TRIP11: variants seen among roughly 807,000 people sequenced by gnomAD.
TRIP11 encodes the protein thyroid receptor-interacting protein 11.
A neutral mutation model predicts 223.1 loss-of-function variants in TRIP11; 148 were observed. The observed-to-expected ratio is 0.66, with a 90% CI of 0.58 to 0.76. The LOEUF (loss-of-function observed/expected upper bound fraction) is 0.76. TRIP11 is among the 30% of genes least tolerant of loss of function. The probability of loss-of-function intolerance (pLI) is 0.00; values close to 1 mark genes in which losing one functional copy is unlikely to be tolerated. For missense variants in TRIP11, 2,043 were observed against 2,222.0 expected, an observed-to-expected ratio of 0.92 and a Z score of 1.62; for synonymous variants, 762 against 772.6, an observed-to-expected ratio of 0.99 and a Z score of 0.23.
In TRIP11 at chr14:91,999,069, C is replaced by CT. The variant is rs1215732069; in HGVS notation, c.4892+170dup. Among the ~76,000 whole-genome samples the CT allele has an allele frequency of 3.3e-5, 5 of 152,198 alleles. No individual in the cohort carries two copies. In the East Asian group the frequency reaches 7.7e-4, roughly 23 times the overall value. ...CAAATGTGAAACCCCCACACACACT[C>CT]TGAGTGCCTACCTTGGGCAGGTTAT... On this transcript the variant is annotated intron_variant, in intron 13 of 20. Coordinates refer to ENST00000267622, the MANE Select transcript of TRIP11 (RefSeq NM_004239.4).
At chr14:91,981,496 T>A (rs889429618) in intron 16 of TRIP11, among the ~76,000 whole-genome samples, 10 of 152,042 alleles carry the variant, frequency 6.6e-5, no homozygotes, top group Non-Finnish European at 1.2e-4. Flanking sequence ...GTTCAAGCGT[T>A]TCTTGCACCT....
In TRIP11 at chr14:92,005,567, C is replaced by T. The variant is rs543803662; in HGVS notation, c.2409G>A (p.Gln803=). 1 of 1,612,706 alleles carries T rather than the reference C, an allele frequency of 6.2e-7. No individual in the cohort carries two copies. Among genetic ancestry groups the T allele is most frequent in the South Asian group, 1.1e-5 (1 of 90,550 alleles). ...KDVLSSSLEE[Q]KQLTQLINKK... ...TGTTTATAAGTTGTGTCAACTGCTT[C>T]TGCTCTTCTAAACTAGATGACAAAA... The change falls in exon 11 of 21, where the codon CAG becomes CAA. Residue 803 remains glutamine (Q), a synonymous_variant. Transcript: ENST00000267622.
intron 16 of TRIP11, among the ~76,000 whole-genome samples, chr14:91,976,794 T>A (rs2056470364): frequency 6.6e-6 from 1 of 152,184 alleles, no homozygotes; most frequent in Non-Finnish European, 1.5e-5. Flanking sequence ...GACTATTTTA[T>A]TTTTAAATTA....
rs34892628 is a variant in TRIP11, at chr14:92,014,905, AT to A, written c.824-329del. 6.7e-3 allele frequency among the ~76,000 whole-genome samples: 958 copies of A among 142,482 alleles called. 5 individuals carry two copies. Among genetic ancestry groups the A allele is most frequent in the African/African-American group, 0.019 (746 of 38,278 alleles). The allele number at this position is 142,482 out of a possible 152,430, so 93.5% of individuals were successfully genotyped here. A position where few individuals can be genotyped will look rare whatever the true frequency, so the allele number is the denominator to read the frequency against. ...AAAAGGACATTTCCATTTTCACAGA[AT>A]TTTTTTTTTTTTTTTGAGATGGAGT... is the stretch of plus-strand genomic sequence containing the variant. On this transcript the variant is annotated intron_variant, in intron 6 of 20. Coordinates refer to ENST00000267622, the MANE Select transcript of TRIP11 (RefSeq NM_004239.4).
At position 92,011,586 on chromosome 14, in the gene TRIP11, T is replaced by A. The variant is rs17127851; in HGVS notation, c.1227+169A>T. 0.012 allele frequency among the ~76,000 whole-genome samples: 1,838 copies of A among 151,738 alleles called. 40 individuals carry two copies. The highest frequency in any genetic ancestry group is 0.041 in the African/African-American group (1,678 of 41,408). On this transcript the variant is annotated intron_variant, in intron 8 of 20. Coordinates refer to ENST00000267622, the MANE Select transcript of TRIP11 (RefSeq NM_004239.4). Reference sequence around the variant, plus strand: ...TTCGACACTCTTACAGAAGACTTCCTTATTATGCTTGGAAAAATATAAAAA... The same window carrying A: ...TTCGACACTCTTACAGAAGACTTCCATATTATGCTTGGAAAAATATAAAAA...
chr14:91,981,012 ATTTTTTTTTT>A (rs564098716), intron 16 of TRIP11, among the ~76,000 whole-genome samples: 1,436 of 49,982 alleles, frequency 0.029, 55 homozygotes, highest in African/African-American at 0.089. Flanking sequence ...ATATATATAT[ATTTTTTTTTT>A]TTTTTTTTTT....
intron 6 of TRIP11, 28 bp from the exon 7 acceptor site, chr14:92,014,605 T>C: frequency 1.3e-6 from 2 of 1,592,176 alleles, no homozygotes; most frequent in South Asian, 1.1e-5. Flanking sequence ...AACAATGACA[T>C]CAAATGTCAA....
chr14:91,995,468 AC>A lies in TRIP11; in HGVS notation c.4939del (p.Val1647Ter). On this transcript the variant is annotated frameshift_variant, in exon 14 of 21. Coordinates refer to ENST00000267622, the MANE Select transcript of TRIP11 (RefSeq NM_004239.4). LOFTEE classifies it high-confidence loss of function. ...AGTTTCATCCCTTTGCTTGGAAACT[AC>A]ATTCAACTGTTCTTGCAATGACTCT... ...QVESLQEQLN[V>X]VSKQRDETAL... 1 of 1,614,158 alleles carries A rather than the reference AC, an allele frequency of 6.2e-7. No homozygotes were observed. Among genetic ancestry groups the A allele is most frequent in the Middle Eastern group, 1.7e-4 (1 of 6,060 alleles).
chr14:92,004,868 A>G lies in TRIP11; in HGVS notation c.3108T>C (p.Asn1036=). 6.2e-7 allele frequency: 1 copy of G among 1,613,850 alleles called. No individual in the cohort carries two copies. The highest frequency in any genetic ancestry group is 8.5e-7 in the Non-Finnish European group (1 of 1,179,980). ...KERELEIKLL[N]EKNISLTKQI... ...GTTTAGTTAAAGATATATTCTTTTC[A>G]TTTAGAAGTTTAATCTCCAGTTCTC... The change falls in exon 11 of 21, where the codon AAT becomes AAC. Residue 1036 remains asparagine (N), a synonymous_variant. Transcript: ENST00000267622.
rs2056802590 is a variant in TRIP11, at chr14:92,000,030, T to C, written c.4636A>G (p.Arg1546Gly). The C allele has an allele frequency of 1.2e-6, 2 of 1,613,920 alleles. No individual in the cohort carries two copies. Among genetic ancestry groups the C allele is most frequent in the African/African-American group, 2.7e-5 (2 of 74,930 alleles). The change falls in exon 12 of 21, where the codon AGA (arginine) becomes GGA (glycine). Residue 1546 changes from arginine (R) to glycine (G), a missense_variant. By Grantham distance (125) the Arg-to-Gly change is moderately radical. Coordinates refer to ENST00000267622, the MANE Select transcript of TRIP11 (RefSeq NM_004239.4). ...TTCAGGGCCAACATGACTTGGTCTC[T>C]CTCCTGTTGAAACACAACTGTCTTC... ...QEKTVVFQQE[R>G]DQVMLALKQK...
In TRIP11 at chr14:91,969,522, A is replaced by C; in HGVS notation, c.*151T>G. 1.2e-6 allele frequency: 1 copy of C among 804,046 alleles called. No individual in the cohort carries two copies. The highest frequency in any genetic ancestry group is 2.1e-6 in the Non-Finnish European group (1 of 476,404). 49.8% of individuals were successfully genotyped at this position (804,046 alleles called of 1,614,324 possible). ...GCTCCTGACACCTGCAGTTTCTAAA[A>C]GCATTAGGAATATTTTTATTAAATT... is the stretch of plus-strand genomic sequence containing the variant. On this transcript the variant is annotated 3_prime_UTR_variant, in exon 21 of 21. Transcript: ENST00000267622.
At position 91,976,116 on chromosome 14, in the gene TRIP11, T is replaced by C. The variant is rs1278413331; in HGVS notation, c.5334A>G (p.Lys1778=). Residue 1778 remains lysine (K), a synonymous_variant, in exon 17 of 21, where the codon AAA becomes AAG. Coordinates refer to ENST00000267622, the MANE Select transcript of TRIP11 (RefSeq NM_004239.4). ...AAAAGCAAAAAGCATACTTGTCTAC[T>C]TTTCCTTCTGAGCTGTTTGCTAAGC... The part of the protein sequence containing the change: ...LMSLANSSEG[K]VDKVLMRNLF... 9.3e-6 allele frequency: 15 copies of C among 1,612,038 alleles called. No homozygotes were observed. Among genetic ancestry groups the C allele is most frequent in the Non-Finnish European group, 1.2e-5 (14 of 1,179,688 alleles).
At chr14:92,010,843 G>T in intron 9 of TRIP11, 143 bp downstream of exon 9, 2 of 823,410 alleles carry the variant, frequency 2.4e-6, no homozygotes, top group Non-Finnish European at 4.1e-6. Context: ...CTTCCACCTA[G>T]CCTGAAAAGC....
At chr14:92,007,353 T>G (rs1266994785) in intron 10 of TRIP11, among the ~76,000 whole-genome samples, 1 of 152,098 alleles carries the variant, frequency 6.6e-6, no homozygotes, top group East Asian at 1.9e-4. Context: ...TACACTAGAG[T>G]AAGAGTCAAC....
chr14:92,017,644 ATG>A (rs1282964800), intron 5 of TRIP11, 36 bp downstream of exon 5: 7 of 1,492,766 alleles, frequency 4.7e-6, no homozygotes, highest in Non-Finnish European at 6.5e-6. Flanking sequence ...GCAGATTTAG[ATG>A]TATAACTCCC....
intron 2 of TRIP11, among the ~76,000 whole-genome samples, chr14:92,025,803 C>T (rs993806870): frequency 3.3e-5 from 5 of 151,664 alleles, no homozygotes; most frequent in Admixed American, 2.6e-4. Flanking sequence ...TTGCTTGAAC[C>T]CGGGAGGCGG....
chr14:92,025,217 A>T (rs1308431626), intron 3 of TRIP11, 93 bp downstream of exon 3: 2 of 963,908 alleles, frequency 2.1e-6, no homozygotes. Flanking sequence ...ATTTTTACAG[A>T]TCTGAATATA....
At chr14:92,032,349 C>T (rs1439568291) in intron 2 of TRIP11, among the ~76,000 whole-genome samples, 1 of 151,876 alleles carries the variant, frequency 6.6e-6, no homozygotes, top group Non-Finnish European at 1.5e-5. Context: ...TGGGGTTTCA[C>T]CATGTTGTCC....
chr14:91,973,391 T>C (rs2056424264), intron 19 of TRIP11, among the ~76,000 whole-genome samples: 1 of 152,188 alleles, frequency 6.6e-6, no homozygotes, highest in African/African-American at 2.4e-5. Flanking sequence ...AATAGTCTGA[T>C]GGTAACACTC....
Sources: gnomAD v4.1 joint callset for allele counts (sites outside exome capture counted in the v4.1 genomes callset) on GRCh38, gnomAD v4.1.1 for gene constraint, MANE v1.5 for transcripts, NCBI Gene and HGNC (gene_info 2026-07-23, HGNC 2026-07-21) for gene names.